Variants in REPS2 observed in about 807,000 individuals in gnomAD.
REPS2 encodes RALBP1 associated Eps domain containing 2.
A neutral mutation model predicts 53.6 loss-of-function variants in REPS2; 23 were observed. That is an observed-to-expected ratio of 0.43 (90% confidence interval 0.31 to 0.61). REPS2 has a LOEUF of 0.61. Among genes scored for constraint, REPS2 ranks in the 20% least tolerant of loss-of-function variants. The pLI is 0.11. For missense variants in REPS2, 446 were observed against 534.9 expected, an observed-to-expected ratio of 0.83 and a Z score of 1.64; for synonymous variants, 238 against 218.6, an observed-to-expected ratio of 1.09 and a Z score of -0.78.
intron 1 of REPS2, among the ~76,000 whole-genome samples, chrX:16,973,517 G>A (rs558219303): frequency 3.6e-5 from 4 of 111,751 alleles, no homozygotes; most frequent in African/African-American, 1.3e-4. Flanking sequence ...TTAATATAAC[G>A]CTAGCAGCTG....
At chrX:17,015,558 C>T (rs999537604) in intron 2 of REPS2, among the ~76,000 whole-genome samples, 19 of 110,581 alleles carry the variant, frequency 1.7e-4, no homozygotes, top group African/African-American at 5.6e-4. Context: ...CTATCCCTCC[C>T]CCCTTCCCCC....
At chrX:17,190,935 A>C in the REPS2 span, among the ~76,000 whole-genome samples, 1 of 111,703 alleles carries the variant, frequency 9.0e-6, no homozygotes, top group Non-Finnish European at 1.9e-5. Flanking sequence ...ATGAACCTTG[A>C]CCCAACTTCA....
At chrX:16,969,301 A>G (rs1224943866) in intron 1 of REPS2, among the ~76,000 whole-genome samples, 1 of 105,578 alleles carries the variant, frequency 9.5e-6, no homozygotes, top group East Asian at 3.1e-4. Flanking sequence ...AGGCAGAGAC[A>G]CTCCTCACTT....
intron 1 of REPS2, among the ~76,000 whole-genome samples, chrX:16,960,561 T>C (rs994860606): frequency 2.7e-5 from 3 of 112,112 alleles, no homozygotes; most frequent in Admixed American, 1.9e-4. Context: ...ACTGAAAGCT[T>C]TTTTTCTAAG....
intron 16 of REPS2, chrX:17,137,712 C>A: frequency 9.0e-6 from 1 of 111,604 alleles, no homozygotes; most frequent in Non-Finnish European, 1.9e-5. Flanking sequence ...CTCAAGTGAT[C>A]CTTTCCCCCT....
chrX:16,954,833 CAG>C (rs1231450133), intron 1 of REPS2, among the ~76,000 whole-genome samples: 15 of 67,261 alleles, frequency 2.2e-4, no homozygotes, highest in East Asian at 4.8e-4. Flanking sequence ...TTTTTTGAGA[CAG>C]AGTCTTGCTC....
the REPS2 span, among the ~76,000 whole-genome samples, chrX:17,196,424 G>C: frequency 9.0e-6 from 1 of 110,849 alleles, no homozygotes; most frequent in African/African-American, 3.3e-5. Context: ...GGGGCCTTTG[G>C]GAGATGATTT....
At chrX:17,030,228 A>G (rs1474083421) in intron 5 of REPS2, among the ~76,000 whole-genome samples, 1 of 111,596 alleles carries the variant, frequency 9.0e-6, no homozygotes, top group Admixed American at 9.6e-5. Flanking sequence ...TTGGATAAAG[A>G]GCTCTTATTT....
At position 17,071,023 on chromosome X, in the gene REPS2, T is replaced by C. The variant is rs2062296809; in HGVS notation, c.1333+1030T>C. ...TTTTAGGCAGCTCCCCAGTTGGTTCTGGTACATAGCCTATTTTGGGAACCA... is the reference window on the plus strand; with the variant it reads ...TTTTAGGCAGCTCCCCAGTTGGTTCCGGTACATAGCCTATTTTGGGAACCA... On this transcript the variant is annotated intron_variant, in intron 11 of 17. Transcript: ENST00000357277. Among the ~76,000 whole-genome samples the C allele has an allele frequency of 1.8e-5, 2 of 112,084 alleles. 1 individual carries two copies. Among genetic ancestry groups the C allele is most frequent in the South Asian group, 7.4e-4 (2 of 2,697 alleles).
rs897671477 is a variant in REPS2, at chrX:16,985,806, G to T, written c.274-20415G>T. On this transcript the variant is annotated intron_variant, in intron 1 of 17. Coordinates refer to ENST00000357277, the MANE Select transcript of REPS2 (RefSeq NM_004726.3). The stretch of plus-strand genomic sequence containing the variant: ...GTTTTAAACACAGCTGTGTACGGGG[G>T]TTCTTAGCATTATTAATAGAGGTTA... Among the ~76,000 whole-genome samples, 6 of 111,546 alleles carry T rather than the reference G, an allele frequency of 5.4e-5. No homozygotes were observed. In the South Asian group the frequency reaches 1.5e-3, roughly 28 times the overall value.
intron 5 of REPS2, among the ~76,000 whole-genome samples, chrX:17,035,285 T>G (rs2061752662): frequency 9.3e-6 from 1 of 107,108 alleles, no homozygotes; most frequent in African/African-American, 3.4e-5. Context: ...TGAAAGATAT[T>G]TTATGGGTAG....
At chrX:17,060,762 T>C (rs1410904870) in intron 8 of REPS2, among the ~76,000 whole-genome samples, 1 of 110,660 alleles carries the variant, frequency 9.0e-6, no homozygotes, top group Admixed American at 9.7e-5. Context: ...AGAGGCTGGG[T>C]TGAAGCTGAG....
intron 1 of REPS2, among the ~76,000 whole-genome samples, chrX:16,954,963 C>G (rs2060575182): frequency 9.2e-6 from 1 of 108,625 alleles, no homozygotes; most frequent in Admixed American, 9.8e-5. Context: ...AGGCGCCCAC[C>G]ACCATGCCTG....
chrX:17,065,420 T>G (rs780688316), intron 9 of REPS2, among the ~76,000 whole-genome samples: 1 of 112,488 alleles, frequency 8.9e-6, no homozygotes, highest in Admixed American at 9.4e-5. Context: ...TATATCTTCT[T>G]TCGCCAAGTG....
At chrX:17,176,862 C>T in the REPS2 span, among the ~76,000 whole-genome samples, 1 of 112,079 alleles carries the variant, frequency 8.9e-6, no homozygotes, top group Non-Finnish European at 1.9e-5. Flanking sequence ...GGGAGGCTGC[C>T]GGCCCTTGGC....
chrX:17,115,006 C>A (rs2063027294), intron 14 of REPS2, among the ~76,000 whole-genome samples: 1 of 109,297 alleles, frequency 9.1e-6, no homozygotes, highest in African/African-American at 3.4e-5. Context: ...TTTATTTTTA[C>A]TTTCTGAAGG....
At chrX:17,031,455 C>T (rs1448311455) in intron 5 of REPS2, among the ~76,000 whole-genome samples, 3 of 112,136 alleles carry the variant, frequency 2.7e-5, no homozygotes, top group Non-Finnish European at 5.6e-5. Flanking sequence ...GAGCCCTTCA[C>T]TCAACTAATA....
chrX:16,952,356 C>A lies in REPS2; in HGVS notation c.273+5222C>A, dbSNP rs182984598. 9.0e-3 allele frequency among the ~76,000 whole-genome samples: 1,000 copies of A among 111,691 alleles called. 15 individuals are homozygous for A. The highest frequency in any genetic ancestry group is 0.031 in the African/African-American group (943 of 30,675). ...GGTTTTCTGTTCCTGTGTTAGTTTG[C>A]TGAGAATGATGGTTTCCGGCTTCAT... On this transcript the variant is annotated intron_variant, in intron 1 of 17. Coordinates refer to ENST00000357277, the MANE Select transcript of REPS2 (RefSeq NM_004726.3).
chrX:16,965,646 C>T (rs909021180), intron 1 of REPS2, among the ~76,000 whole-genome samples: 1 of 112,541 alleles, frequency 8.9e-6, no homozygotes, highest in Non-Finnish European at 1.9e-5. Flanking sequence ...GGCAGAGACG[C>T]TCCTCACTTC....
Sources: gnomAD v4.1 joint callset for allele counts (sites outside exome capture counted in the v4.1 genomes callset) on GRCh38, gnomAD v4.1.1 for gene constraint, MANE v1.5 for transcripts, NCBI Gene and HGNC (gene_info 2026-07-23, HGNC 2026-07-21) for gene names.